The following DLC1 variants were observed in gnomAD, a reference collection of about 807,000 sequenced individuals.
DLC1 encodes rho GTPase-activating protein 7.
A neutral mutation model predicts 140.3 loss-of-function variants in DLC1; 54 were observed. The ratio of observed to expected loss-of-function variants is 0.38; its 90% CI spans 0.31 to 0.48. The LOEUF is 0.48. DLC1 is among the 20% of genes least tolerant of loss of function. The pLI is 0.96. For missense variants in DLC1, 2,536 were observed against 1,907.0 expected (o/e 1.33, Z -6.14); for synonymous variants, 986 against 728.1 (o/e 1.35, Z -5.70).
chr8:13,348,037 C>T (rs189254157), intron 4 of DLC1, among the ~76,000 whole-genome samples: 18 of 152,190 alleles, frequency 1.2e-4, no homozygotes, highest in Non-Finnish European at 2.2e-4. Context: ...TGCAGTCAGC[C>T]GAGATCACGC....
chr8:13,354,757 C>CT (rs1834841744), intron 4 of DLC1, among the ~76,000 whole-genome samples: 1 of 139,370 alleles, frequency 7.2e-6, no homozygotes, highest in Non-Finnish European at 1.6e-5. Flanking sequence ...CCAGCCTGAG[C>CT]AACATGGTAA....
intron 4 of DLC1, among the ~76,000 whole-genome samples, chr8:13,334,328 G>A (rs1038302099): frequency 6.6e-6 from 1 of 152,142 alleles, no homozygotes; most frequent in Non-Finnish European, 1.5e-5. Flanking sequence ...AGATGGGGGA[G>A]AAGAGAGGGA....
chr8:13,410,749 A>C (rs1837746487), intron 2 of DLC1, among the ~76,000 whole-genome samples: 1 of 152,182 alleles, frequency 6.6e-6, no homozygotes, highest in African/African-American at 2.4e-5. Context: ...CATACTGTAC[A>C]ACTAATTTGT....
intron 4 of DLC1, among the ~76,000 whole-genome samples, chr8:13,378,986 T>C (rs921501746): frequency 6.6e-6 from 1 of 152,142 alleles, no homozygotes; most frequent in Non-Finnish European, 1.5e-5. Flanking sequence ...ATTGAAATAA[T>C]TTTAAGTTTT....
intron 1 of DLC1, among the ~76,000 whole-genome samples, chr8:13,556,065 A>G (rs763913137): frequency 2.0e-5 from 3 of 152,260 alleles, no homozygotes; most frequent in Admixed American, 2.0e-4. Context: ...GGCCAGGAGT[A>G]AGTTAATGGT....
intron 1 of DLC1, among the ~76,000 whole-genome samples, chr8:13,598,181 G>C (rs1006351767): frequency 5.3e-5 from 8 of 151,824 alleles, no homozygotes; most frequent in Admixed American, 2.0e-4. Flanking sequence ...AAAGATTTTT[G>C]AAGAGTATAA....
chr8:13,494,191 A>G (rs1801392532), intron 2 of DLC1, among the ~76,000 whole-genome samples: 1 of 152,208 alleles, frequency 6.6e-6, no homozygotes, highest in Non-Finnish European at 1.5e-5. Flanking sequence ...TTTCTTTCAC[A>G]ACGTGTCATG....
intron 5 of DLC1, among the ~76,000 whole-genome samples, chr8:13,285,582 T>A (rs1478414258): frequency 2.0e-5 from 3 of 152,056 alleles, no homozygotes; most frequent in Non-Finnish European, 4.4e-5. Context: ...CATAAGTCAT[T>A]AGGGAAATGC....
At chr8:13,104,200 C>A (rs1819354113) in intron 7 of DLC1, among the ~76,000 whole-genome samples, 1 of 152,106 alleles carries the variant, frequency 6.6e-6, no homozygotes, top group Non-Finnish European at 1.5e-5. Context: ...GGATCCAAAT[C>A]TTACCGGGTT....
intron 5 of DLC1, among the ~76,000 whole-genome samples, chr8:13,156,034 A>C (rs1269184632): frequency 5.9e-5 from 9 of 152,200 alleles, no homozygotes; most frequent in African/African-American, 2.2e-4. Flanking sequence ...CAACTTAAAA[A>C]TTGGAGACAA....
At chr8:13,174,839 C>A (rs752673655) in intron 5 of DLC1, among the ~76,000 whole-genome samples, 7 of 151,746 alleles carry the variant, frequency 4.6e-5, no homozygotes, top group Admixed American at 1.3e-4. Context: ...TTTTTTTTTG[C>A]TGTGCAGAAG....
chr8:13,236,225 A>G (rs749345622), intron 5 of DLC1, among the ~76,000 whole-genome samples: 1 of 152,076 alleles, frequency 6.6e-6, no homozygotes, highest in Non-Finnish European at 1.5e-5. Flanking sequence ...TACTTTCTTT[A>G]AGGTTCATTC....
chr8:13,093,126 C>T (rs1461050198), intron 12 of DLC1, among the ~76,000 whole-genome samples: 1 of 142,426 alleles, frequency 7.0e-6, no homozygotes, highest in African/African-American at 2.5e-5. Flanking sequence ...GTTTACAGAA[C>T]AGTTTTTTCT....
chr8:13,110,902 G>A, intron 6 of DLC1, 79 bp from the exon 7 acceptor site: 6 of 1,296,550 alleles, frequency 4.6e-6, no homozygotes, highest in Non-Finnish European at 6.7e-6. Context: ...CCAAAGCAGG[G>A]ATAAAACTCT....
intron 5 of DLC1, among the ~76,000 whole-genome samples, chr8:13,161,994 C>T (rs1385694381): frequency 6.6e-6 from 1 of 152,144 alleles, no homozygotes; most frequent in African/African-American, 2.4e-5. Context: ...GTACCAAATT[C>T]ATAGCAGCCG....
chr8:13,174,077 A>T (rs911714704), intron 5 of DLC1, among the ~76,000 whole-genome samples: 2 of 151,894 alleles, frequency 1.3e-5, no homozygotes, highest in Non-Finnish European at 2.9e-5. Flanking sequence ...CATGTACCCA[A>T]TGTTTAGGGC....
Position 13,171,054 on chromosome 8 carries a change from A to G in DLC1, c.1349-55397T>C, listed in dbSNP as rs565552680. 5.3e-5 allele frequency among the ~76,000 whole-genome samples: 8 copies of G among 152,350 alleles called. No individual in the cohort carries two copies. The South Asian group carries it at 1.4e-3, about 28-fold the overall frequency. Reference sequence around the variant, plus strand: ...GATGGTATGTGGAGCTATCTCATAAATTGCTGAATCAGGGAGAGAAACTAA... The same window carrying G: ...GATGGTATGTGGAGCTATCTCATAAGTTGCTGAATCAGGGAGAGAAACTAA... On this transcript the variant is annotated intron_variant, in intron 5 of 17. Transcript: ENST00000276297.
At chr8:13,542,038 T>G (rs2117333528) in intron 1 of DLC1, among the ~76,000 whole-genome samples, 1 of 152,330 alleles carries the variant, frequency 6.6e-6, no homozygotes, top group Admixed American at 6.5e-5. Flanking sequence ...TAAGAATATC[T>G]TTTGAGGGGC....
intron 2 of DLC1, among the ~76,000 whole-genome samples, chr8:13,413,219 C>T (rs56092814): frequency 2.3e-5 from 3 of 131,874 alleles, no homozygotes; most frequent in Non-Finnish European, 4.8e-5. Context: ...AACACAAATT[C>T]GTAAACTTTC....
Sources: gnomAD v4.1 joint callset for allele counts (sites outside exome capture counted in the v4.1 genomes callset) on GRCh38, gnomAD v4.1.1 for gene constraint, MANE v1.5 for transcripts, NCBI Gene and HGNC (gene_info 2026-07-23, HGNC 2026-07-21) for gene names.